The following AQR variants were observed in gnomAD, a reference collection of about 807,000 sequenced individuals.
AQR encodes the protein aquarius intron-binding spliceosomal factor.
A neutral mutation model predicts 180.5 loss-of-function variants in AQR; 61 were observed. The ratio of observed to expected loss-of-function variants is 0.34; its 90% CI spans 0.28 to 0.42. The LOEUF (loss-of-function observed/expected upper bound fraction) is 0.42. Among genes scored for constraint, AQR ranks in the 10% least tolerant of loss-of-function variants. AQR has a pLI of 1.00. For missense variants in AQR, 1,281 were observed against 1,798.3 expected, an observed-to-expected ratio of 0.71 and a Z score of 5.20; for synonymous variants, 551 against 588.8, an observed-to-expected ratio of 0.94 and a Z score of 0.93.
At chr15:34,913,840 C>A (rs1352561932) in intron 16 of AQR, among the ~76,000 whole-genome samples, 1 of 152,178 alleles carries the variant, frequency 6.6e-6, no homozygotes, top group Non-Finnish European at 1.5e-5. Flanking sequence ...GAATGATCAG[C>A]CAGTGGGTAT....
intron 4 of AQR, among the ~76,000 whole-genome samples, chr15:34,950,084 C>CTTTTTTTTTTTTTTTTTTTTTTTTTTTT (rs1174370425): frequency 1.4e-5 from 1 of 74,058 alleles, no homozygotes; most frequent in Non-Finnish European, 2.3e-5. Flanking sequence ...TGCTATTTTC[C>CTTTTTTTTTTTTTTTTTTTTTTTTTTTT]TTTTTTTTTT....
At chr15:34,888,879 A>T (rs542998892) in intron 24 of AQR, among the ~76,000 whole-genome samples, 2 of 152,256 alleles carry the variant, frequency 1.3e-5, no homozygotes, top group South Asian at 4.1e-4. Flanking sequence ...AATAGTCATA[A>T]TTTTTCTTTT....
intron 3 of AQR, among the ~76,000 whole-genome samples, chr15:34,956,067 A>C (rs1894310685): frequency 6.6e-6 from 1 of 152,158 alleles, no homozygotes; most frequent in Non-Finnish European, 1.5e-5. Context: ...GAGCTTCTGG[A>C]ACACCGACAA....
intron 2 of AQR, among the ~76,000 whole-genome samples, chr15:34,961,132 T>A (rs1595812645): frequency 6.6e-6 from 1 of 152,198 alleles, no homozygotes; most frequent in Non-Finnish European, 1.5e-5. Context: ...GTATAAATGT[T>A]ATGAGACTCC....
intron 32 of AQR, among the ~76,000 whole-genome samples, chr15:34,866,456 T>C (rs569113763): frequency 1.3e-5 from 2 of 152,270 alleles, no homozygotes; most frequent in South Asian, 4.1e-4. Context: ...TTTATAAGCA[T>C]TGTATCATCA....
At chr15:34,951,251 T>C (rs1277351017) in intron 4 of AQR, among the ~76,000 whole-genome samples, 1 of 152,186 alleles carries the variant, frequency 6.6e-6, no homozygotes, top group Non-Finnish European at 1.5e-5. Context: ...CAAGAAACCA[T>C]CAATTACTCT....
At chr15:34,916,882 C>CAAAAAAAAAAAAAAA (rs71119988) in intron 15 of AQR, among the ~76,000 whole-genome samples, 21 of 79,162 alleles carry the variant, frequency 2.7e-4, no homozygotes, top group South Asian at 6.9e-4. Flanking sequence ...TTCAGCAGAA[C>CAAAAAAAAAAAAAAA]AAAAAAAAAA....
intron 13 of AQR, among the ~76,000 whole-genome samples, 164 bp downstream of exon 13, chr15:34,926,871 C>T (rs1186921591): frequency 6.6e-6 from 1 of 152,132 alleles, no homozygotes; most frequent in Non-Finnish European, 1.5e-5. Context: ...GTGACAAAGA[C>T]ACCAAACTGC....
chr15:34,879,654 G>C (rs1158663319), intron 27 of AQR, among the ~76,000 whole-genome samples: 1 of 152,034 alleles, frequency 6.6e-6, no homozygotes, highest in Non-Finnish European at 1.5e-5. Flanking sequence ...TTGGCTTCTA[G>C]TGCACTGAGC....
At chr15:34,963,835 T>C (rs1246450057) in intron 2 of AQR, among the ~76,000 whole-genome samples, 1 of 142,670 alleles carries the variant, frequency 7.0e-6, no homozygotes, top group Non-Finnish European at 1.5e-5. Context: ...GGCTAATTTT[T>C]TGTATTTTTA....
Position 34,944,373 on chromosome 15 carries a change from G to A in AQR, c.386C>T (p.Ala129Val), listed in dbSNP as rs199505122. The A allele has an allele frequency of 5.2e-5, 84 of 1,609,840 alleles. No individual in the cohort carries two copies. Among genetic ancestry groups the A allele is most frequent in the Middle Eastern group, 1.7e-4 (1 of 6,042 alleles). ...TTCACCATCAGTTTCAGCTAATGCC[G>A]CCTTCAAGATGTGTTTAAAAAAGAA... is the stretch of plus-strand genomic sequence containing the variant. ...FPFFFKHILK[A>V]ALAETDGEFS... The change falls in exon 6 of 35, where the codon GCG becomes GTG. Residue 129 changes from alanine (A) to valine (V), a missense_variant. Around this residue, in one of 9 missense-constraint regions of AQR, gnomAD observed 404 missense variants for 490.9 expected, o/e 0.82. Coordinates refer to ENST00000156471, the MANE Select transcript of AQR (RefSeq NM_014691.3).
intron 23 of AQR, 62 bp from the exon 24 acceptor site, chr15:34,890,386 A>G: frequency 7.3e-7 from 1 of 1,366,850 alleles, no homozygotes; most frequent in Non-Finnish European, 1.0e-6. Context: ...AACATTTAGA[A>G]AGAATCAAAG....
At chr15:34,935,712 G>A (rs533552338) in intron 9 of AQR, among the ~76,000 whole-genome samples, 1 of 152,208 alleles carries the variant, frequency 6.6e-6, no homozygotes, top group African/African-American at 2.4e-5. Flanking sequence ...TCATTTTCTA[G>A]GTAGAAAAAC....
At chr15:34,930,196 C>A in intron 12 of AQR, 62 bp downstream of exon 12, 2 of 1,001,066 alleles carry the variant, frequency 2.0e-6, no homozygotes, top group Admixed American at 2.1e-5. Flanking sequence ...CTATACAAAA[C>A]CTAAATTGCA....
rs2050334165 is a variant in AQR at position 34,969,738 on chromosome 15, C to T, written c.-125G>A. The T allele has an allele frequency of 3.2e-6, 3 of 939,708 alleles. No individual in the cohort carries two copies. The highest frequency in any genetic ancestry group is 3.3e-5 in the African/African-American group (2 of 60,228). The allele number at this position is 939,708 out of a possible 1,614,324, so 58.2% of individuals were successfully genotyped here. ...TCCGCGCCGCACAAACGCTCCGGGC[C>T]GGATATCCTCAGCCTTCAGAGTCCC... On this transcript the variant is annotated 5_prime_UTR_variant, in exon 1 of 35. Coordinates refer to ENST00000156471, the MANE Select transcript of AQR (RefSeq NM_014691.3).
chr15:34,862,308 T>C (rs1255358105), intron 33 of AQR, among the ~76,000 whole-genome samples: 11 of 152,174 alleles, frequency 7.2e-5, no homozygotes, highest in Non-Finnish European at 1.2e-4. Context: ...ATAAATAACA[T>C]GAACTCTGGG....
chr15:34,880,606 T>A (rs528195862), intron 27 of AQR, among the ~76,000 whole-genome samples: 4 of 152,214 alleles, frequency 2.6e-5, no homozygotes, highest in African/African-American at 9.6e-5. Context: ...AATCATGGTA[T>A]ATTCCCCCTG....
At chr15:34,965,672 AAAAT>A (rs1232437266) in intron 1 of AQR, among the ~76,000 whole-genome samples, 1 of 152,148 alleles carries the variant, frequency 6.6e-6, no homozygotes, top group African/African-American at 2.4e-5. Context: ...CTCCGTCTCT[AAAAT>A]AAATAAATAA....
chr15:34,935,691 A>G (rs1177687632), intron 9 of AQR, among the ~76,000 whole-genome samples: 1 of 152,220 alleles, frequency 6.6e-6, no homozygotes, highest in East Asian at 1.9e-4. Context: ...GAGAGCATCT[A>G]TTCTAGATCT....
Sources: allele counts gnomAD v4.1 joint callset (sites outside exome capture counted in the v4.1 genomes callset), GRCh38; gene constraint gnomAD v4.1.1; regional missense constraint gnomAD v4.1.1; transcripts MANE v1.5; gene names NCBI Gene and HGNC (gene_info 2026-07-23, HGNC 2026-07-21).